The following DAP3 variants were observed in gnomAD, a reference collection of about 807,000 sequenced individuals.
DAP3 encodes death associated protein 3, also known as small ribosomal subunit protein mS29.
Under a neutral mutation model 51.9 loss-of-function variants are expected in DAP3, and 28 were observed. The ratio of observed to expected loss-of-function variants is 0.54; its 90% CI spans 0.40 to 0.74. DAP3 has a LOEUF of 0.74. DAP3 is among the 30% of genes least tolerant of loss of function. The pLI, the probability that DAP3 is intolerant of heterozygous loss-of-function variation, is 0.00. For missense variants in DAP3, 458 were observed against 483.5 expected, an observed-to-expected ratio of 0.95 and a Z score of 0.49; for synonymous variants, 170 against 170.3, an observed-to-expected ratio of 1.00 and a Z score of 0.01.
At chr1:155,689,320 C>A (rs1342699856) in intron 1 of DAP3, 146 bp downstream of exon 1, 6 of 594,516 alleles carry the variant, frequency 1.0e-5, no homozygotes, top group Admixed American at 4.3e-5. Flanking sequence ...ACCTGGGACC[C>A]GAGGAAGTTC....
chr1:155,715,773 A>G (rs1362479200), intron 2 of DAP3, among the ~76,000 whole-genome samples: 1 of 152,060 alleles, frequency 6.6e-6, no homozygotes, highest in Non-Finnish European at 1.5e-5. Context: ...AGATTTGTCT[A>G]CCGAAATCCG....
chr1:155,708,540 G>GTTTTTTTTT (rs151238139), intron 1 of DAP3, among the ~76,000 whole-genome samples: 4 of 103,266 alleles, frequency 3.9e-5, no homozygotes, highest in Non-Finnish European at 5.6e-5. Context: ...TTCTGTTTTT[G>GTTTTTTTTT]TTTTTTTTTT....
upstream of DAP3, chr1:155,688,855 G>T: frequency 5.0e-6 from 8 of 1,599,390 alleles, no homozygotes; most frequent in Admixed American, 1.7e-5. Flanking sequence ...GAGAGGAAGG[G>T]ACCGGCAAAG....
intron 9 of DAP3, 33 bp downstream of exon 9, chr1:155,729,399 C>G (rs753795801): frequency 1.9e-6 from 3 of 1,607,848 alleles, no homozygotes; most frequent in East Asian, 2.2e-5. Context: ...TCTTGTTTCT[C>G]TGATTTCTGA....
chr1:155,701,854 CCAA>C, intron 1 of DAP3, among the ~76,000 whole-genome samples: 1 of 151,304 alleles, frequency 6.6e-6, no homozygotes, highest in Non-Finnish European at 1.5e-5. Context: ...AAGGTTAGAG[CCAA>C]CTTTCAAAAA....
chr1:155,702,573 G>C (rs988199944), intron 1 of DAP3, among the ~76,000 whole-genome samples: 3 of 152,080 alleles, frequency 2.0e-5, no homozygotes, highest in East Asian at 3.8e-4. Flanking sequence ...ATGAGGTAGG[G>C]GTCCATTTTC....
intron 2 of DAP3, among the ~76,000 whole-genome samples, chr1:155,712,766 C>T (rs1433003435): frequency 2.7e-5 from 4 of 150,330 alleles, no homozygotes; most frequent in Non-Finnish European, 4.4e-5. Context: ...CAAGACCCTA[C>T]CCTATGTCAA....
At chr1:155,717,193 G>A in intron 3 of DAP3, 65 bp downstream of exon 3, 1 of 1,578,088 alleles carries the variant, frequency 6.3e-7, no homozygotes, top group South Asian at 1.2e-5. Context: ...TCCTCATTTT[G>A]CATAGGAAAA....
intron 4 of DAP3, 105 bp from the exon 5 acceptor site, chr1:155,725,277 T>G: frequency 1.1e-6 from 1 of 876,472 alleles, no homozygotes; most frequent in Non-Finnish European, 1.9e-6. Flanking sequence ...ATTAGAGGCA[T>G]GCAATCTGAT....
chr1:155,719,046 C>T (rs928083616), intron 3 of DAP3, among the ~76,000 whole-genome samples: 3 of 152,076 alleles, frequency 2.0e-5, no homozygotes, highest in African/African-American at 7.2e-5. Context: ...TTATTTGGGC[C>T]ACCACTTTTA....
In DAP3 at chr1:155,715,529, AGAG is replaced by A. The variant is rs1184030589; in HGVS notation, c.46-1476_46-1474del. On this transcript the variant is annotated intron_variant, in intron 2 of 12. Transcript: ENST00000368336. The stretch of plus-strand genomic sequence containing the variant: ...AGAGCAAGACCCTGTCTTAAAAAAA[AGAG>A]AGAGAGAGAGAGAGAGAAGCTGCTT... Among the ~76,000 whole-genome samples the A allele has an allele frequency of 6.8e-4, 31 of 45,760 alleles. No homozygotes were observed. The African/African-American group carries it at 8.7e-3, about 13-fold the overall frequency. The allele number at this position is 45,760 out of a possible 152,430, so 30.0% of individuals were successfully genotyped here. A position where few individuals can be genotyped will look rare whatever the true frequency, so the allele number is the denominator to read the frequency against.
chr1:155,730,472 C>T (rs940907753), intron 9 of DAP3, among the ~76,000 whole-genome samples: 1 of 151,894 alleles, frequency 6.6e-6, no homozygotes, highest in Non-Finnish European at 1.5e-5. Flanking sequence ...ACTAGCTGGG[C>T]ATGGTGGTTT....
upstream of DAP3, chr1:155,688,776 C>T: frequency 5.2e-6 from 8 of 1,536,852 alleles, no homozygotes; most frequent in Non-Finnish European, 7.0e-6. Flanking sequence ...CCACCCTACA[C>T]TCCTCGCGCG....
At chr1:155,734,069 A>C (rs1659512067) in intron 11 of DAP3, among the ~76,000 whole-genome samples, 1 of 152,004 alleles carries the variant, frequency 6.6e-6, no homozygotes, top group African/African-American at 2.4e-5. Flanking sequence ...AGGTGGGAGG[A>C]TCGCTTGAGC....
intron 11 of DAP3, among the ~76,000 whole-genome samples, chr1:155,734,824 C>T (rs1332241843): frequency 1.3e-5 from 2 of 152,176 alleles, no homozygotes; most frequent in African/African-American, 4.8e-5. Flanking sequence ...CTACTAGTAG[C>T]CAATTCCATG....
At chr1:155,731,594 A>G (rs1571563415) in intron 10 of DAP3, 179 bp downstream of exon 10, 1 of 632,178 alleles carries the variant, frequency 1.6e-6, no homozygotes, top group Non-Finnish European at 2.6e-6. Context: ...TAAAATCTAT[A>G]TATATGTGGT....
At chr1:155,735,030 C>T (rs1441422134) in intron 11 of DAP3, among the ~76,000 whole-genome samples, 3 of 149,584 alleles carry the variant, frequency 2.0e-5, no homozygotes, top group Admixed American at 6.7e-5. Flanking sequence ...TTTGGGAGGC[C>T]GAGGCGGGCA....
At chr1:155,714,755 C>CA (rs554520458) in intron 2 of DAP3, among the ~76,000 whole-genome samples, 17 of 148,602 alleles carry the variant, frequency 1.1e-4, no homozygotes, top group African/African-American at 2.2e-4. Context: ...GACTCCGTCT[C>CA]AAAAAAAAAG....
intron 1 of DAP3, among the ~76,000 whole-genome samples, chr1:155,708,701 A>ATTT (rs1179008308): frequency 4.8e-5 from 6 of 125,888 alleles, no homozygotes; most frequent in East Asian, 4.5e-4. Flanking sequence ...CTCCTGACTA[A>ATTT]TTTTTTTTTT....
Sources: gnomAD v4.1 joint callset for allele counts (sites outside exome capture counted in the v4.1 genomes callset) on GRCh38, gnomAD v4.1.1 for gene constraint, MANE v1.5 for transcripts, NCBI Gene and HGNC (gene_info 2026-07-23, HGNC 2026-07-21) for gene names.